The following SNTG1 variants were observed in gnomAD, a reference collection of about 807,000 sequenced individuals.
SNTG1 encodes the protein syntrophin gamma 1.
Under a neutral mutation model 74.7 loss-of-function variants are expected in SNTG1, and 39 were observed. The observed-to-expected ratio is 0.52, with a 90% CI of 0.40 to 0.68. The LOEUF (loss-of-function observed/expected upper bound fraction) is 0.68. SNTG1 is among the 30% of genes least tolerant of loss of function. SNTG1 has a pLI of 0.00. For synonymous variants in SNTG1, 254 were observed against 217.1 expected, an observed-to-expected ratio of 1.17 and a Z score of -1.49; for missense variants, 685 against 609.5, an observed-to-expected ratio of 1.12 and a Z score of -1.30.
Position 50,449,686 on chromosome 8 carries a change from AT to A in SNTG1, c.240del (p.Pro81GlnfsTer28). On this transcript the variant is annotated frameshift_variant, in exon 6 of 19. Transcript: ENST00000642720. LOFTEE classifies it high-confidence loss of function. ...LSIKGGAEHN[I>X]PVVVSKISKE... ...TTTTCAGGGAGGAGCAGAACATAACATTCCAGTTGTCGTTTCAAAAATCTCC... is the reference window on the plus strand; with the variant it reads ...TTTTCAGGGAGGAGCAGAACATAACATCCAGTTGTCGTTTCAAAAATCTCC... 6.3e-7 allele frequency: 1 copy of A among 1,599,756 alleles called. No homozygotes were observed. Among genetic ancestry groups the A allele is most frequent in the Non-Finnish European group, 8.5e-7 (1 of 1,171,834 alleles).
At chr8:49,957,150 T>C (rs1430640020) in intron 1 of SNTG1, among the ~76,000 whole-genome samples, 1 of 152,158 alleles carries the variant, frequency 6.6e-6, no homozygotes, top group Admixed American at 6.5e-5. Context: ...AAGCACATCA[T>C]TAAGATGGTG....
At chr8:50,750,080 A>T (rs920200056) in intron 17 of SNTG1, among the ~76,000 whole-genome samples, 2 of 152,052 alleles carry the variant, frequency 1.3e-5, no homozygotes, top group South Asian at 2.1e-4. Context: ...ATTATATATG[A>T]TTCATGGGAG....
intron 12 of SNTG1, among the ~76,000 whole-genome samples, chr8:50,574,789 AT>A (rs145352712): frequency 0.034 from 5,120 of 152,172 alleles, 137 homozygotes; most frequent in African/African-American, 0.064. Flanking sequence ...AAGCCTATGG[AT>A]TTTTTTGGTG....
At chr8:50,151,469 T>C (rs1305305658) in intron 1 of SNTG1, among the ~76,000 whole-genome samples, 1 of 152,154 alleles carries the variant, frequency 6.6e-6, no homozygotes, top group East Asian at 1.9e-4. Context: ...ATGTGTTTCC[T>C]CTTGCTTCTC....
chr8:50,461,476 T>C (rs1472720316), intron 8 of SNTG1, among the ~76,000 whole-genome samples: 1 of 152,186 alleles, frequency 6.6e-6, no homozygotes, highest in African/African-American at 2.4e-5. Context: ...GCTATCTACA[T>C]AATTATTTAG....
intron 1 of SNTG1, among the ~76,000 whole-genome samples, chr8:49,962,214 A>G (rs1014098793): frequency 1.3e-4 from 19 of 151,968 alleles, no homozygotes; most frequent in African/African-American, 4.4e-4. Flanking sequence ...TGAGGCGGCT[A>G]GTTGGAATGT....
At chr8:50,686,577 T>A (rs1251138480) in intron 15 of SNTG1, among the ~76,000 whole-genome samples, 1 of 152,116 alleles carries the variant, frequency 6.6e-6, no homozygotes, top group African/African-American at 2.4e-5. Context: ...ATATGAATAT[T>A]TATTTGGTTT....
At chr8:50,471,764 T>C (rs2131748638) in intron 8 of SNTG1, among the ~76,000 whole-genome samples, 1 of 152,308 alleles carries the variant, frequency 6.6e-6, no homozygotes, top group South Asian at 2.1e-4. Context: ...AATGAAATAC[T>C]ATTTTGGAAT....
At chr8:50,003,721 C>A (rs1004792094) in intron 1 of SNTG1, among the ~76,000 whole-genome samples, 4 of 152,018 alleles carry the variant, frequency 2.6e-5, no homozygotes, top group Non-Finnish European at 4.4e-5. Context: ...GATCTGCTCT[C>A]GTATATATTA....
chr8:50,346,041 T>A (rs2130966517), intron 2 of SNTG1, among the ~76,000 whole-genome samples: 1 of 152,340 alleles, frequency 6.6e-6, no homozygotes, highest in African/African-American at 2.4e-5. Context: ...TAACATATTA[T>A]CTGGCAGGAT....
At chr8:50,618,139 A>G (rs1289209728) in intron 13 of SNTG1, among the ~76,000 whole-genome samples, 1 of 152,186 alleles carries the variant, frequency 6.6e-6, no homozygotes, top group Non-Finnish European at 1.5e-5. Flanking sequence ...TAATTTTGTG[A>G]TTTCCACAAA....
At chr8:49,938,607 C>CTTTTCTTTCT (rs60669251) in intron 1 of SNTG1, among the ~76,000 whole-genome samples, 1 of 27,876 alleles carries the variant, frequency 3.6e-5, no homozygotes, top group African/African-American at 9.4e-5. Flanking sequence ...CTTTTCTTTT[C>CTTTTCTTTCT]TTTCTTTCTT....
At chr8:50,712,094 T>C (rs988984356) in intron 17 of SNTG1, among the ~76,000 whole-genome samples, 2 of 152,240 alleles carry the variant, frequency 1.3e-5, no homozygotes, top group East Asian at 3.9e-4. Context: ...CTCATTTAAT[T>C]TGTGAATAAA....
At chr8:50,332,830 T>G (rs1274281014) in intron 2 of SNTG1, among the ~76,000 whole-genome samples, 1 of 152,178 alleles carries the variant, frequency 6.6e-6, no homozygotes, top group Non-Finnish European at 1.5e-5. Context: ...GATTACAATG[T>G]CACCAGGAGA....
chr8:50,483,250 C>A (rs1344498545), intron 8 of SNTG1, among the ~76,000 whole-genome samples: 1 of 152,120 alleles, frequency 6.6e-6, no homozygotes, highest in Non-Finnish European at 1.5e-5. Flanking sequence ...TTGTGCATAG[C>A]AGACCTCTCT....
chr8:50,207,545 T>G lies in SNTG1; in HGVS notation c.-28+34910T>G, dbSNP rs530419100. ...CTAGATTCATTGATTTTTTGAAGGG[T>G]TTTTTTGTGTCTCTATCTCCTTCAA... On this transcript the variant is annotated intron_variant, in intron 2 of 18. Transcript: ENST00000642720. Among the ~76,000 whole-genome samples, 7 of 152,128 alleles carry G rather than the reference T, an allele frequency of 4.6e-5. 1 individual carries two copies. The highest frequency in any genetic ancestry group is 1.7e-4 in the African/African-American group (7 of 41,534).
At chr8:50,176,504 C>A (rs1465251889) in intron 2 of SNTG1, among the ~76,000 whole-genome samples, 1 of 152,164 alleles carries the variant, frequency 6.6e-6, no homozygotes, top group African/African-American at 2.4e-5. Context: ...TTTCCTGGAT[C>A]TGACTGCAAA....
At chr8:50,753,469 C>G (rs990031876) in intron 18 of SNTG1, among the ~76,000 whole-genome samples, 1 of 151,938 alleles carries the variant, frequency 6.6e-6, no homozygotes, top group Non-Finnish European at 1.5e-5. Context: ...CAGTTGCTGA[C>G]AGCGGTACAG....
intron 1 of SNTG1, among the ~76,000 whole-genome samples, chr8:50,138,628 C>CAAT (rs34280300): frequency 0.058 from 8,125 of 140,776 alleles, 240 homozygotes; most frequent in East Asian, 0.11. Context: ...TCTGTCTCAA[C>CAAT]AATAATAATA....
Sources: gnomAD v4.1 joint callset for allele counts (sites outside exome capture counted in the v4.1 genomes callset) on GRCh38, gnomAD v4.1.1 for gene constraint, MANE v1.5 for transcripts, NCBI Gene and HGNC (gene_info 2026-07-23, HGNC 2026-07-21) for gene names.